Variants in ZFHX3 observed in about 807,000 individuals in gnomAD.
ZFHX3 encodes zinc finger homeobox 3.
Under a neutral mutation model 279.1 loss-of-function variants are expected in ZFHX3, and 42 were observed. The ratio of observed to expected loss-of-function variants is 0.15; its 90% CI spans 0.12 to 0.19. The LOEUF is 0.19. Among genes scored for constraint, ZFHX3 ranks in the 10% least tolerant of loss-of-function variants. The pLI, the probability that ZFHX3 is intolerant of heterozygous loss-of-function variation, is 1.00. For synonymous variants in ZFHX3, 2,293 were observed against 1,957.8 expected, an observed-to-expected ratio of 1.17 and a Z score of -4.52; for missense variants, 4,981 against 4,754.0, an observed-to-expected ratio of 1.05 and a Z score of -1.40.
chr16:72,858,396 C>A (rs1186388641), intron 4 of ZFHX3, among the ~76,000 whole-genome samples: 1 of 152,120 alleles, frequency 6.6e-6, no homozygotes, highest in African/African-American at 2.4e-5. Flanking sequence ...TTTTGTAACC[C>A]CCTTAAACAT....
chr16:73,877,951 A>G (rs2030008134), intron 1 of ZFHX3, among the ~76,000 whole-genome samples: 1 of 152,048 alleles, frequency 6.6e-6, no homozygotes, highest in Non-Finnish European at 1.5e-5. Flanking sequence ...CTTTATTTAA[A>G]AAAGATATTT....
chr16:73,428,004 A>G (rs1301699070), intron 3 of ZFHX3, among the ~76,000 whole-genome samples: 3 of 152,144 alleles, frequency 2.0e-5, no homozygotes, highest in African/African-American at 7.2e-5. Context: ...TAAGTGGGAC[A>G]CAAATTATCC....
chr16:72,945,885 T>G (rs1960646242), intron 3 of ZFHX3, among the ~76,000 whole-genome samples: 1 of 151,894 alleles, frequency 6.6e-6, no homozygotes, highest in African/African-American at 2.4e-5. Context: ...GGACGTAAAA[T>G]GTGTAGCTAT....
intron 2 of ZFHX3, among the ~76,000 whole-genome samples, chr16:73,661,180 T>C (rs1369816153): frequency 2.0e-5 from 3 of 152,172 alleles, no homozygotes; most frequent in Non-Finnish European, 4.4e-5. Context: ...CTTGTGTGAG[T>C]TCCTATTTCA....
intron 5 of ZFHX3, among the ~76,000 whole-genome samples, chr16:72,813,703 G>T (rs1029167659): frequency 6.6e-6 from 1 of 152,134 alleles, no homozygotes; most frequent in Non-Finnish European, 1.5e-5. Context: ...AACCCATTTT[G>T]CTCTTAATGG....
chr16:72,845,333 A>T (rs73590713), intron 4 of ZFHX3, among the ~76,000 whole-genome samples: 4,035 of 152,188 alleles, frequency 0.027, 174 homozygotes, highest in African/African-American at 0.092. Context: ...CTGTGATGGG[A>T]ATTTATTTCC....
Position 72,811,605 on chromosome 16 carries a change from G to A in ZFHX3, c.3836C>T (p.Pro1279Leu). 1 of 1,607,370 alleles carries A rather than the reference G, an allele frequency of 6.2e-7. No individual in the cohort carries two copies. Among genetic ancestry groups the A allele is most frequent in the Non-Finnish European group, 8.5e-7 (1 of 1,175,868 alleles). The change falls in exon 7 of 10, where the codon CCT becomes CTT. Residue 1279 changes from proline (P) to leucine (L), a missense_variant. This residue lies in a region of ZFHX3 where 1,751 missense variants were observed against 1,770.0 expected (regional missense o/e 0.99). Transcript: ENST00000268489. ...CATAATGAGCTTCTCCACGCAGTCA[G>A]GTGCCACGCTGTGGAGGTGGGTGAG... ...LHLTHLHSVAPDCVEKLIMTV... is the reference protein window; with the variant it reads ...LHLTHLHSVALDCVEKLIMTV...
chr16:72,825,069 G>A (rs532738018), intron 5 of ZFHX3, among the ~76,000 whole-genome samples: 3 of 152,318 alleles, frequency 2.0e-5, no homozygotes, highest in East Asian at 3.9e-4. Flanking sequence ...ACTCTCAGGC[G>A]GTTGGGACTA....
chr16:73,681,372 T>A (rs781021238), intron 1 of ZFHX3, among the ~76,000 whole-genome samples: 34 of 152,152 alleles, frequency 2.2e-4, no homozygotes, highest in Non-Finnish European at 4.1e-4. Context: ...GCAGCAGGCA[T>A]AGAGTAAATT....
intron 2 of ZFHX3, among the ~76,000 whole-genome samples, chr16:73,577,943 C>G (rs761598111): frequency 6.6e-6 from 1 of 152,192 alleles, no homozygotes; most frequent in Non-Finnish European, 1.5e-5. Context: ...CACTGATTCT[C>G]AGCAACATGC....
intron 1 of ZFHX3, among the ~76,000 whole-genome samples, chr16:73,811,266 A>G (rs1960416581): frequency 6.6e-6 from 1 of 152,022 alleles, no homozygotes. Flanking sequence ...AGAGCCCTCC[A>G]TTTCAGACAT....
At chr16:73,153,308 G>A (rs75733064) in intron 5 of ZFHX3, among the ~76,000 whole-genome samples, 2,706 of 152,248 alleles carry the variant, frequency 0.018, 76 homozygotes, top group African/African-American at 0.061. Flanking sequence ...TTAGAGACAA[G>A]GTGTCTCCCT....
chr16:72,805,888 T>C, intron 7 of ZFHX3: 1 of 151,612 alleles, frequency 6.6e-6, no homozygotes. Context: ...CCATTTCCTT[T>C]TCTTTCTTTC....
At chr16:73,660,216 A>T (rs1312584653) in intron 2 of ZFHX3, among the ~76,000 whole-genome samples, 2 of 152,228 alleles carry the variant, frequency 1.3e-5, no homozygotes. Context: ...AAAATAGTTC[A>T]ATAAAAAGCT....
chr16:73,625,392 A>G (rs1434041255), intron 2 of ZFHX3, among the ~76,000 whole-genome samples: 2 of 152,240 alleles, frequency 1.3e-5, no homozygotes. Flanking sequence ...GTTTAAATGT[A>G]ATAGAAGCAA....
At chr16:73,259,200 C>T (rs926485334) in intron 4 of ZFHX3, among the ~76,000 whole-genome samples, 1 of 152,182 alleles carries the variant, frequency 6.6e-6, no homozygotes, top group South Asian at 2.1e-4. Context: ...GGAAACACAG[C>T]TAGATGTGGG....
At chr16:73,789,759 TTCTC>T (rs145422809) in intron 1 of ZFHX3, among the ~76,000 whole-genome samples, 25 of 152,034 alleles carry the variant, frequency 1.6e-4, no homozygotes, top group African/African-American at 5.1e-4. Context: ...CTTCAAAAAT[TTCTC>T]TCTCTCTCTT....
intron 2 of ZFHX3, among the ~76,000 whole-genome samples, chr16:73,583,792 AC>A (rs1269649627): frequency 6.6e-6 from 1 of 152,184 alleles, no homozygotes; most frequent in Non-Finnish European, 1.5e-5. Flanking sequence ...AATCGGCAAA[AC>A]CCAATAAACA....
At chr16:73,875,288 A>G (rs1049683221) in intron 1 of ZFHX3, among the ~76,000 whole-genome samples, 1 of 152,198 alleles carries the variant, frequency 6.6e-6, no homozygotes. Flanking sequence ...TAAATGATAC[A>G]TCATGATTTC....
Sources: allele counts gnomAD v4.1 joint callset (sites outside exome capture counted in the v4.1 genomes callset), GRCh38; gene constraint gnomAD v4.1.1; regional missense constraint gnomAD v4.1.1; transcripts MANE v1.5; gene names NCBI Gene and HGNC (gene_info 2026-07-23, HGNC 2026-07-21).